Variants in LYRM7 observed in about 807,000 individuals in gnomAD.
The protein encoded by LYRM7 is LYR motif containing 7, also known as complex III assembly factor LYRM7.
Under a neutral mutation model 15.8 loss-of-function variants are expected in LYRM7, and 9 were observed. That is an observed-to-expected ratio of 0.57 (90% CI 0.34 to 0.99). The LOEUF (loss-of-function observed/expected upper bound fraction) is 0.99. Ranked by LOEUF, LYRM7 falls within the 50% of genes least tolerant of loss-of-function variation. LYRM7 has a pLI of 0.02. For missense variants in LYRM7, 115 were observed against 119.1 expected, an observed-to-expected ratio of 0.97 and a Z score of 0.16; for synonymous variants, 39 against 39.4, an observed-to-expected ratio of 0.99 and a Z score of 0.04.
Position 131,203,990 on chromosome 5 carries a change from A to C in LYRM7, c.*4389A>C, listed in dbSNP as rs1306256071. ...AAACATGTTTGTTCATCAAGTTGTC[A>C]CAAGTTAGACAATCATATCCAATAT... On this transcript the variant is annotated 3_prime_UTR_variant, in exon 5 of 5. Transcript: ENST00000379380. The C allele has an allele frequency of 6.6e-6, 1 of 152,238 alleles. No individual in the cohort carries two copies. The highest frequency in any genetic ancestry group is 1.9e-4 in the East Asian group (1 of 5,200). The allele number at this position is 152,238 out of a possible 1,614,324, so 9.4% of individuals were successfully genotyped here.
chr5:131,172,653 T>C (rs2149658359), intron 1 of LYRM7, among the ~76,000 whole-genome samples: 1 of 152,142 alleles, frequency 6.6e-6, no homozygotes. Context: ...TGTGGGAAGA[T>C]ACAAAGGTGA....
intron 1 of LYRM7, among the ~76,000 whole-genome samples, chr5:131,175,162 T>TATC (rs58465305): frequency 0.31 from 46,403 of 150,476 alleles, 11,770 homozygotes; most frequent in African/African-American, 0.71. Context: ...AATGACAAAT[T>TATC]ATTGGCTTCA....
chr5:131,177,374 A>G (rs976005052), intron 1 of LYRM7, among the ~76,000 whole-genome samples: 2 of 152,024 alleles, frequency 1.3e-5, no homozygotes, highest in African/African-American at 4.8e-5. Flanking sequence ...TTTGTGATTC[A>G]TTTCCTTATT....
At chr5:131,199,398 A>G in intron 4 of LYRM7, 133 bp from the exon 5 acceptor site, 5 of 577,338 alleles carry the variant, frequency 8.7e-6, no homozygotes, top group Admixed American at 3.5e-5. Flanking sequence ...ATCAACTGAA[A>G]TAAAATATCC....
At chr5:131,186,505 A>T (rs1218174453) in intron 3 of LYRM7, among the ~76,000 whole-genome samples, 1 of 152,220 alleles carries the variant, frequency 6.6e-6, no homozygotes, top group East Asian at 1.9e-4. Context: ...TCCTCAGTGG[A>T]TGCCTCAAAT....
chr5:131,195,435 G>C (rs1396927406), intron 4 of LYRM7, among the ~76,000 whole-genome samples: 6 of 152,174 alleles, frequency 3.9e-5, no homozygotes, highest in African/African-American at 7.2e-5. Context: ...TAGAGCCTTG[G>C]AGAGTTAAAA....
Position 131,203,556 on chromosome 5 carries a change from G to C in LYRM7, c.*3955G>C, listed in dbSNP as rs1490672087. 2 of 152,254 alleles carry C rather than the reference G, an allele frequency of 1.3e-5. No homozygotes were observed. The highest frequency in any genetic ancestry group is 4.8e-5 in the African/African-American group (2 of 41,438). 9.4% of individuals were successfully genotyped at this position (152,254 alleles called of 1,614,324 possible). ...TAAAAATACAAAATTAGCCAGGCGTGGTGGTGCATGCCTGTAATCCCAGCT... is the reference window on the plus strand; with the variant it reads ...TAAAAATACAAAATTAGCCAGGCGTCGTGGTGCATGCCTGTAATCCCAGCT... On this transcript the variant is annotated 3_prime_UTR_variant, in exon 5 of 5. Transcript: ENST00000379380.
rs72803767 is a variant in LYRM7 at position 131,182,488 on chromosome 5, G to A, written c.162+189G>A. 0.091 allele frequency among the ~76,000 whole-genome samples: 13,907 copies of A among 152,064 alleles called. 798 individuals carry two copies. Among genetic ancestry groups the A allele is most frequent in the South Asian group, 0.13 (647 of 4,822 alleles). ...GCTCATCTGCCGACACCAAAATACA[G>A]CAAGGTACCCCATCAACAGAACATG... is the stretch of plus-strand genomic sequence containing the variant. On this transcript the variant is annotated intron_variant, in intron 3 of 4. Transcript: ENST00000379380.
intron 4 of LYRM7, among the ~76,000 whole-genome samples, chr5:131,197,805 A>G (rs1236386112): frequency 1.3e-5 from 2 of 151,330 alleles, no homozygotes; most frequent in East Asian, 3.9e-4. Context: ...TCAGCTTCCC[A>G]AAGTGCCAGA....
intron 4 of LYRM7, among the ~76,000 whole-genome samples, chr5:131,192,867 A>G (rs1420154124): frequency 6.6e-6 from 1 of 152,172 alleles, no homozygotes; most frequent in African/African-American, 2.4e-5. Context: ...TATTATTAAC[A>G]TTTGTCAAAA....
intron 1 of LYRM7, among the ~76,000 whole-genome samples, chr5:131,175,705 T>G (rs1755591513): frequency 6.6e-6 from 1 of 151,770 alleles, no homozygotes; most frequent in Non-Finnish European, 1.5e-5. Flanking sequence ...TGGCTAATTT[T>G]TTTATTTTTT....
At chr5:131,178,502 G>C (rs1443087430) in intron 1 of LYRM7, among the ~76,000 whole-genome samples, 5 of 152,170 alleles carry the variant, frequency 3.3e-5, no homozygotes, top group African/African-American at 1.2e-4. Flanking sequence ...ACAATATTGA[G>C]TACCTTTTTG....
At chr5:131,181,733 A>G (rs1755717018) in intron 2 of LYRM7, among the ~76,000 whole-genome samples, 1 of 151,846 alleles carries the variant, frequency 6.6e-6, no homozygotes, top group Admixed American at 6.6e-5. Context: ...TATGTAAACA[A>G]AAGTTTTATT....
Position 131,182,159 on chromosome 5 carries a change from T to C in LYRM7, c.92-70T>C, listed in dbSNP as rs79908895. On this transcript the variant is annotated intron_variant, in intron 2 of 4. Coordinates refer to ENST00000379380, the MANE Select transcript of LYRM7 (RefSeq NM_181705.4). ...AGAAGTAGCCATTCATAGTGAATAA[T>C]GTGTCAATTATTGAGATAGGAATTA... is the stretch of plus-strand genomic sequence containing the variant. The C allele has an allele frequency of 0.022, 27,479 of 1,253,632 alleles. 2,021 individuals carry two copies. In the African/African-American group the frequency reaches 0.24, roughly 11 times the overall value. The allele number at this position is 1,253,632 out of a possible 1,614,324, so 77.7% of individuals were successfully genotyped here. A position where few individuals can be genotyped will look rare whatever the true frequency, so the allele number is the denominator to read the frequency against.
intron 1 of LYRM7, among the ~76,000 whole-genome samples, chr5:131,176,310 T>C (rs1755601985): frequency 6.6e-6 from 1 of 152,216 alleles, no homozygotes; most frequent in African/African-American, 2.4e-5. Context: ...ACTGCCAAAC[T>C]GTTTCCCAAA....
Position 131,205,310 on chromosome 5 carries a change from T to G in LYRM7, c.*5709T>G, listed in dbSNP as rs533676908. On this transcript the variant is annotated 3_prime_UTR_variant, in exon 5 of 5. Coordinates refer to ENST00000379380, the MANE Select transcript of LYRM7 (RefSeq NM_181705.4). ...ATGAATGGCGTTATGCTCCATGTAT[T>G]CTGCAACTTTTCATCATACATTAGG... 4 of 152,364 alleles carry G rather than the reference T, an allele frequency of 2.6e-5. No homozygotes were observed. In the East Asian group the frequency reaches 7.7e-4, roughly 29 times the overall value. The allele number at this position is 152,364 out of a possible 1,614,324, so 9.4% of individuals were successfully genotyped here.
intron 1 of LYRM7, among the ~76,000 whole-genome samples, chr5:131,174,821 G>GA (rs1373826247): frequency 1.3e-5 from 2 of 152,108 alleles, no homozygotes; most frequent in Non-Finnish European, 1.5e-5. Context: ...TCGAGCCTGG[G>GA]TGACAGAACA....
At chr5:131,181,427 AT>A (rs557766381) in intron 2 of LYRM7, among the ~76,000 whole-genome samples, 12 of 113,708 alleles carry the variant, frequency 1.1e-4, no homozygotes, top group African/African-American at 4.3e-4. Context: ...TTATATATAT[AT>A]AACATATATA....
Position 131,202,575 on chromosome 5 carries a change from A to C in LYRM7, c.*2974A>C, listed in dbSNP as rs1053785967. 4 of 152,960 alleles carry C rather than the reference A, an allele frequency of 2.6e-5. No individual in the cohort carries two copies. The highest frequency in any genetic ancestry group is 9.6e-5 in the African/African-American group (4 of 41,464). The allele number at this position is 152,960 out of a possible 1,614,324, so 9.5% of individuals were successfully genotyped here. ...GAGTGCAGTAGCTATTCATAGGCAC[A>C]GTCATAGCACACTGCAGCCTAGAAT... On this transcript the variant is annotated 3_prime_UTR_variant, in exon 5 of 5. Transcript: ENST00000379380.
Sources: allele counts gnomAD v4.1 joint callset (sites outside exome capture counted in the v4.1 genomes callset), GRCh38; gene constraint gnomAD v4.1.1; transcripts MANE v1.5; gene names NCBI Gene and HGNC (gene_info 2026-07-23, HGNC 2026-07-21).